The following BAALC variants were observed in gnomAD, a reference collection of about 807,000 sequenced individuals.
BAALC encodes the protein BAALC binder of MAP3K1 and KLF4.
A neutral mutation model predicts 15.5 loss-of-function variants in BAALC; 9 were observed. The observed-to-expected ratio is 0.58, with a 90% CI of 0.35 to 1.02. The LOEUF (loss-of-function observed/expected upper bound fraction) is 1.02, where lower values mean the gene tolerates loss of function less well. Among genes scored for constraint, BAALC ranks in the 50% least tolerant of loss-of-function variants. BAALC has a pLI of 0.02. For synonymous variants in BAALC, 80 were observed against 74.6 expected, an observed-to-expected ratio of 1.07 and a Z score of -0.37; for missense variants, 201 against 192.4, an observed-to-expected ratio of 1.04 and a Z score of -0.27.
At chr8:103,219,250 C>T (rs1426181991) in intron 2 of BAALC, among the ~76,000 whole-genome samples, 1 of 152,178 alleles carries the variant, frequency 6.6e-6, no homozygotes, top group African/African-American at 2.4e-5. Context: ...CAGACACTGC[C>T]TTATTTTTCT....
intron 1 of BAALC, among the ~76,000 whole-genome samples, chr8:103,182,804 T>C (rs1371840259): frequency 6.6e-6 from 1 of 152,162 alleles, no homozygotes; most frequent in Non-Finnish European, 1.5e-5. Context: ...GGCTGCTAAG[T>C]AGCAAGGAAT....
At chr8:103,184,794 C>T (rs527944937) in intron 1 of BAALC, among the ~76,000 whole-genome samples, 1 of 152,342 alleles carries the variant, frequency 6.6e-6, no homozygotes, top group East Asian at 1.9e-4. Flanking sequence ...TCACCCAGGG[C>T]AGAACTGGTG....
Position 103,228,243 on chromosome 8 carries a change from C to A in BAALC, c.*144C>A, listed in dbSNP as rs1812849170. On this transcript the variant is annotated 3_prime_UTR_variant, in exon 3 of 3. Transcript: ENST00000309982. ...CTGGCAAGACTGTCTTACCTGGCAG[C>A]AAACTGCTGCCTGATTTGTTGGGAC... The A allele has an allele frequency of 1.6e-6, 1 of 613,670 alleles. No individual in the cohort carries two copies. Among genetic ancestry groups the A allele is most frequent in the Non-Finnish European group, 2.9e-6 (1 of 347,762 alleles). The allele number at this position is 613,670 out of a possible 1,614,324, so 38.0% of individuals were successfully genotyped here. A position where few individuals can be genotyped will look rare whatever the true frequency, so the allele number is the denominator to read the frequency against.
At chr8:103,183,762 G>C (rs1189834150) in intron 1 of BAALC, among the ~76,000 whole-genome samples, 1 of 152,194 alleles carries the variant, frequency 6.6e-6, no homozygotes, top group Non-Finnish European at 1.5e-5. Context: ...AGGCATAGAA[G>C]TTATGGTTGT....
At chr8:103,149,874 A>G (rs182638885) in intron 1 of BAALC, among the ~76,000 whole-genome samples, 172 of 152,282 alleles carry the variant, frequency 1.1e-3, no homozygotes, top group African/African-American at 4.0e-3. Flanking sequence ...CCTCCCCCTC[A>G]AGCCCCCACA....
intron 1 of BAALC, among the ~76,000 whole-genome samples, chr8:103,212,226 C>T (rs1248947295): frequency 1.3e-5 from 2 of 152,112 alleles, no homozygotes; most frequent in African/African-American, 4.8e-5. Context: ...GGGAGGATTG[C>T]TCAAGGCCAG....
intron 2 of BAALC, among the ~76,000 whole-genome samples, chr8:103,220,232 A>G (rs901107508): frequency 6.6e-6 from 1 of 152,160 alleles, no homozygotes; most frequent in Non-Finnish European, 1.5e-5. Flanking sequence ...CATCACCCAT[A>G]TTGACATTGG....
chr8:103,159,038 A>C (rs545976085), intron 1 of BAALC, among the ~76,000 whole-genome samples: 1 of 152,324 alleles, frequency 6.6e-6, no homozygotes, highest in South Asian at 2.1e-4. Flanking sequence ...CCACATACAA[A>C]ATTTTGTCAA....
At chr8:103,226,312 G>A (rs1414028673) in intron 2 of BAALC, among the ~76,000 whole-genome samples, 1 of 152,236 alleles carries the variant, frequency 6.6e-6, no homozygotes, top group Admixed American at 6.5e-5. Context: ...GAGCTGACCT[G>A]TTTAGGGCCC....
At chr8:103,197,299 C>T (rs962522943) in intron 1 of BAALC, among the ~76,000 whole-genome samples, 4 of 151,978 alleles carry the variant, frequency 2.6e-5, no homozygotes, top group African/African-American at 9.7e-5. Context: ...GGACCTCAGG[C>T]ACTTTAAATT....
intron 1 of BAALC, 113 bp downstream of exon 1, chr8:103,141,170 C>G: frequency 8.0e-7 from 1 of 1,249,996 alleles, no homozygotes; most frequent in Non-Finnish European, 1.0e-6. Flanking sequence ...GCGGGGGTGG[C>G]TGGGAGGAAG....
intron 1 of BAALC, among the ~76,000 whole-genome samples, chr8:103,164,513 A>G (rs971671742): frequency 2.6e-5 from 4 of 152,190 alleles, no homozygotes; most frequent in Non-Finnish European, 5.9e-5. Flanking sequence ...CTTGTGCCCA[A>G]TAATATTTCA....
chr8:103,225,369 T>C (rs1812782031), intron 2 of BAALC, among the ~76,000 whole-genome samples: 1 of 152,232 alleles, frequency 6.6e-6, no homozygotes, highest in African/African-American at 2.4e-5. Context: ...AAAATTATCC[T>C]TAAATGTTCC....
chr8:103,149,021 G>A (rs189436254), intron 1 of BAALC, among the ~76,000 whole-genome samples: 4 of 152,302 alleles, frequency 2.6e-5, no homozygotes, highest in Admixed American at 2.6e-4. Flanking sequence ...TCACTTGCCA[G>A]ATGAGGAGCT....
At chr8:103,179,061 T>C (rs1466502549) in intron 1 of BAALC, among the ~76,000 whole-genome samples, 5 of 152,152 alleles carry the variant, frequency 3.3e-5, no homozygotes, top group Admixed American at 2.0e-4. Flanking sequence ...CCATAGTCTT[T>C]GGGGTTCTCT....
At chr8:103,219,022 A>G (rs1362927825) in intron 2 of BAALC, among the ~76,000 whole-genome samples, 3 of 152,200 alleles carry the variant, frequency 2.0e-5, no homozygotes, top group Non-Finnish European at 4.4e-5. Context: ...AAAAGGAGGG[A>G]GCGAACAACA....
chr8:103,183,487 G>A (rs1811770583), intron 1 of BAALC: 3 of 702,762 alleles, frequency 4.3e-6, no homozygotes, highest in Non-Finnish European at 7.8e-6. Context: ...AGAGGGTATG[G>A]GGGGACCAGA....
At chr8:103,220,434 C>CT (rs1227683456) in intron 2 of BAALC, among the ~76,000 whole-genome samples, 2 of 152,116 alleles carry the variant, frequency 1.3e-5, no homozygotes, top group East Asian at 3.9e-4. Flanking sequence ...AGGGATTTTT[C>CT]TTTTCTTTTC....
chr8:103,223,094 C>G lies in BAALC; in HGVS notation c.328-4895C>G, dbSNP rs140228439. ...TTGGGAGGCTGATGCGGGTGGACCA[C>G]AAGGTCAGGAGTTCGAGACCAGCCT... On this transcript the variant is annotated intron_variant, in intron 2 of 2. Transcript: ENST00000309982. Among the ~76,000 whole-genome samples the G allele has an allele frequency of 1.6e-4, 25 of 152,214 alleles. No individual in the cohort carries two copies. In the East Asian group the frequency reaches 3.9e-3, roughly 24 times the overall value.
Sources: gnomAD v4.1 joint callset for allele counts (sites outside exome capture counted in the v4.1 genomes callset) on GRCh38, gnomAD v4.1.1 for gene constraint, MANE v1.5 for transcripts, NCBI Gene and HGNC (gene_info 2026-07-23, HGNC 2026-07-21) for gene names.